The following MPHOSPH10 variants were observed in gnomAD, a reference collection of about 807,000 sequenced individuals.
MPHOSPH10 encodes M-phase phosphoprotein 10.
A neutral mutation model predicts 77.3 loss-of-function variants in MPHOSPH10; 33 were observed. The ratio of observed to expected loss-of-function variants is 0.43; its 90% CI spans 0.32 to 0.57. The LOEUF (loss-of-function observed/expected upper bound fraction) is 0.57. Ranked by LOEUF, MPHOSPH10 falls within the 20% of genes least tolerant of loss-of-function variation. The pLI, the probability that MPHOSPH10 is intolerant of heterozygous loss-of-function variation, is 0.07. For missense variants in MPHOSPH10, 708 were observed against 780.1 expected (o/e 0.91, Z 1.10); for synonymous variants, 245 against 268.0 (o/e 0.91, Z 0.84).
At chr2:71,145,467 C>T (rs1056028736) in intron 8 of MPHOSPH10, among the ~76,000 whole-genome samples, 4 of 151,464 alleles carry the variant, frequency 2.6e-5, no homozygotes, top group African/African-American at 7.3e-5. Context: ...TCTTCTCAGA[C>T]AGTAAGCTTT....
chr2:71,146,168 G>T (rs773113602), intron 8 of MPHOSPH10, among the ~76,000 whole-genome samples: 2 of 152,170 alleles, frequency 1.3e-5, no homozygotes, highest in African/African-American at 2.4e-5. Flanking sequence ...AGAAGTGAAT[G>T]TATATGTGTC....
chr2:71,141,184 A>C (rs1303425664), intron 6 of MPHOSPH10, 48 bp from the exon 7 acceptor site: 1 of 1,273,232 alleles, frequency 7.9e-7, no homozygotes, highest in African/African-American at 1.5e-5. Context: ...GTGAACCTAG[A>C]AATAAATTGT....
At position 71,133,019 on chromosome 2, in the gene MPHOSPH10, T is replaced by G; in HGVS notation, c.211T>G (p.Phe71Val). The G allele has an allele frequency of 6.2e-7, 1 of 1,614,066 alleles. No homozygotes were observed. Among genetic ancestry groups the G allele is most frequent in the African/African-American group, 1.3e-5 (1 of 75,018 alleles). The change falls in exon 2 of 11, where the codon TTT becomes GTT. Residue 71 changes from phenylalanine (F) to valine (V), a missense_variant. Phe to Val is a conservative substitution (Grantham distance 50, BLOSUM62 -1). Transcript: ENST00000244230. ...CTTGCAAAAACTTGTGATAGAAAATTTTGATGATGAGCAGATTTGGCAACA... is the reference window on the plus strand; with the variant it reads ...CTTGCAAAAACTTGTGATAGAAAATGTTGATGATGAGCAGATTTGGCAACA... ...SPLQKLVIENFDDEQIWQQLE... is the reference protein window; with the variant it reads ...SPLQKLVIENVDDEQIWQQLE...
chr2:71,133,819 A>G, intron 2 of MPHOSPH10, 129 bp from the exon 3 acceptor site: 1 of 860,940 alleles, frequency 1.2e-6, no homozygotes, highest in Non-Finnish European at 1.7e-6. Context: ...TTTGGTTATT[A>G]GTTATTAGCT....
chr2:71,148,227 G>A (rs1673755250), intron 9 of MPHOSPH10, 121 bp downstream of exon 9: 2 of 804,214 alleles, frequency 2.5e-6, no homozygotes, highest in Admixed American at 2.2e-5. Context: ...TATCTCAGCA[G>A]TTTCTAAGTA....
intron 1 of MPHOSPH10, among the ~76,000 whole-genome samples, chr2:71,132,387 A>G (rs753377775): frequency 3.7e-4 from 56 of 152,066 alleles, no homozygotes; most frequent in Non-Finnish European, 5.7e-4. Flanking sequence ...CACTCTAGCC[A>G]TGGTCACCTG....
At chr2:71,132,622 T>G (rs1314440082) in intron 1 of MPHOSPH10, among the ~76,000 whole-genome samples, 1 of 152,208 alleles carries the variant, frequency 6.6e-6, no homozygotes, top group East Asian at 1.9e-4. Context: ...GTAGCAGAAT[T>G]GATAATTTAA....
At chr2:71,144,025 G>A (rs1330314692) in intron 7 of MPHOSPH10, among the ~76,000 whole-genome samples, 6 of 152,152 alleles carry the variant, frequency 3.9e-5, no homozygotes, top group Non-Finnish European at 7.4e-5. Flanking sequence ...TTGCCACTGT[G>A]GCCGCATCAT....
intron 5 of MPHOSPH10, chr2:71,139,268 C>T (rs1385571740): frequency 6.3e-6 from 1 of 158,744 alleles, no homozygotes; most frequent in Non-Finnish European, 1.4e-5. Context: ...AGGACATTCT[C>T]CTATGTAATC....
rs533160382 is a variant in MPHOSPH10, at chr2:71,143,420, C to T, written c.1447-1008C>T. On this transcript the variant is annotated intron_variant, in intron 7 of 10. Transcript: ENST00000244230. ...TGCTGGGATTACAAGCATGAGCCAC[C>T]GCGCCCAGCCAGCCACCATGCTGGG... Among the ~76,000 whole-genome samples the T allele has an allele frequency of 2.6e-5, 4 of 152,230 alleles. No homozygotes were observed. In the East Asian group the frequency reaches 7.7e-4, roughly 29 times the overall value.
At chr2:71,130,838 G>C (rs1673363098) in intron 1 of MPHOSPH10, 84 bp downstream of exon 1, 2 of 1,306,364 alleles carry the variant, frequency 1.5e-6, no homozygotes, top group Admixed American at 4.3e-5. Context: ...TTGTGGAGCT[G>C]GGGGAAGGTA....
chr2:71,138,136 A>G (rs1228520040), intron 4 of MPHOSPH10, among the ~76,000 whole-genome samples: 1 of 152,256 alleles, frequency 6.6e-6, no homozygotes, highest in Non-Finnish European at 1.5e-5. Flanking sequence ...GTTTGGAGTC[A>G]AAAGGGTCAG....
chr2:71,136,848 C>CTTTTTTTTTTTTT (rs60456435), intron 4 of MPHOSPH10, among the ~76,000 whole-genome samples: 1 of 118,644 alleles, frequency 8.4e-6, no homozygotes, highest in African/African-American at 3.2e-5. Flanking sequence ...AACTTTCAAC[C>CTTTTTTTTTTTTT]TTTTTTTTTT....
chr2:71,138,464 TA>T lies in MPHOSPH10; in HGVS notation c.1099-25del, dbSNP rs1470184796. 2.7e-6 allele frequency: 4 copies of T among 1,488,762 alleles called. No individual in the cohort carries two copies. In the East Asian group the frequency reaches 7.1e-5, roughly 26 times the overall value. The allele number at this position is 1,488,762 out of a possible 1,614,324, so 92.2% of individuals were successfully genotyped here. ...TATAAGATTTTATTTTCTAAATGTA[TA>T]CTAGTTATTTTATCTCTTTCTTAGA... On this transcript the variant is annotated intron_variant, in intron 4 of 10. Coordinates refer to ENST00000244230, the MANE Select transcript of MPHOSPH10 (RefSeq NM_005791.3).
intron 4 of MPHOSPH10, among the ~76,000 whole-genome samples, chr2:71,137,307 T>C (rs1286414960): frequency 1.3e-5 from 2 of 152,174 alleles, no homozygotes; most frequent in Non-Finnish European, 2.9e-5. Context: ...ATTACCACTG[T>C]TGATTAACAT....
In MPHOSPH10 at chr2:71,132,376, A is replaced by G. The variant is rs117659473; in HGVS notation, c.90-522A>G. On this transcript the variant is annotated intron_variant, in intron 1 of 10. Transcript: ENST00000244230. The stretch of plus-strand genomic sequence containing the variant: ...TCCAGCTTCACCCTCTGCCTCCTTC[A>G]CACTCTAGCCATGGTCACCTGTTTG... Among the ~76,000 whole-genome samples the G allele has an allele frequency of 4.5e-4, 69 of 152,206 alleles. No homozygotes were observed. The East Asian group carries it at 0.012, about 26-fold the overall frequency.
intron 7 of MPHOSPH10, among the ~76,000 whole-genome samples, chr2:71,144,073 A>G (rs777972816): frequency 6.6e-6 from 1 of 152,232 alleles, no homozygotes; most frequent in Non-Finnish European, 1.5e-5. Context: ...CAAGGGTTCC[A>G]GTTTCTCCAT....
chr2:71,135,611 G>A (rs1392625529), intron 4 of MPHOSPH10, among the ~76,000 whole-genome samples: 1 of 150,654 alleles, frequency 6.6e-6, no homozygotes, highest in East Asian at 1.9e-4. Flanking sequence ...TATATGTATA[G>A]CATGTCTCTC....
At chr2:71,135,945 T>C (rs1673481216) in intron 4 of MPHOSPH10, among the ~76,000 whole-genome samples, 1 of 152,088 alleles carries the variant, frequency 6.6e-6, no homozygotes, top group Non-Finnish European at 1.5e-5. Flanking sequence ...CCTCAGGTGA[T>C]CCACCCACCT....
Sources: gnomAD v4.1 joint callset for allele counts (sites outside exome capture counted in the v4.1 genomes callset) on GRCh38, gnomAD v4.1.1 for gene constraint, MANE v1.5 for transcripts, NCBI Gene and HGNC (gene_info 2026-07-23, HGNC 2026-07-21) for gene names.